Variants in ZDHHC4 observed in about 807,000 individuals in gnomAD.
ZDHHC4 encodes palmitoyltransferase ZDHHC4.
Under a neutral mutation model 36.7 loss-of-function variants are expected in ZDHHC4, and 42 were observed. The observed-to-expected ratio is 1.14, with a 90% CI of 0.89 to 1.48. The LOEUF is 1.48. Among genes scored for constraint, ZDHHC4 ranks in the 40% most tolerant of loss-of-function variants. The pLI is 0.00. For synonymous variants in ZDHHC4, 189 were observed against 166.6 expected, an observed-to-expected ratio of 1.13 and a Z score of -1.03; for missense variants, 457 against 421.5, an observed-to-expected ratio of 1.08 and a Z score of -0.74.
chr7:6,587,941 C>T (rs7781743), intron 7 of ZDHHC4, among the ~76,000 whole-genome samples: 131,211 of 152,208 alleles, frequency 0.86, 57,361 homozygotes, highest in African/African-American at 0.97. Context: ...TCTCAGCTCA[C>T]TGTAACCTTC....
chr7:6,583,524 G>T (rs1781017785), intron 6 of ZDHHC4, 93 bp downstream of exon 6: 1 of 1,494,428 alleles, frequency 6.7e-7, no homozygotes, highest in Non-Finnish European at 8.9e-7. Context: ...CGAAAGCAGA[G>T]CCAGTTCACC....
Position 6,582,161 on chromosome 7 carries a change from C to A in ZDHHC4, c.280C>A (p.Leu94Met). The A allele has an allele frequency of 6.2e-7, 1 of 1,614,186 alleles. No homozygotes were observed. Among genetic ancestry groups the A allele is most frequent in the Non-Finnish European group, 8.5e-7 (1 of 1,180,044 alleles). The change falls in exon 5 of 8, where the codon CTG (leucine) becomes ATG (methionine). Residue 94 changes from leucine (L) to methionine (M), a missense_variant. Leu to Met is a conservative substitution (Grantham distance 15). Coordinates refer to ENST00000335965, the MANE Select transcript of ZDHHC4 (RefSeq NM_001134389.2). Reference protein sequence around the residue: ...TWEVFGYCQELELSLHYLLLP... With the variant: ...TWEVFGYCQEMELSLHYLLLP... ...GGAAGTATTTGGCTACTGTCAGGAG[C>A]TGGAGTTGTCCTTGCATTACCTTCT...
At chr7:6,580,788 C>A in intron 3 of ZDHHC4, 110 bp downstream of exon 3, 1 of 1,002,424 alleles carries the variant, frequency 1.0e-6, no homozygotes, top group Non-Finnish European at 1.5e-6. Context: ...TGCAGTGCCT[C>A]ACACCTGTAA....
At chr7:6,583,067 C>G (rs1025832360) in intron 5 of ZDHHC4, among the ~76,000 whole-genome samples, 18 of 152,050 alleles carry the variant, frequency 1.2e-4, no homozygotes, top group African/African-American at 4.3e-4. Context: ...ATCCCAGCTA[C>G]TACTCAGGAG....
chr7:6,583,189 A>AG, intron 5 of ZDHHC4, 117 bp from the exon 6 acceptor site: 1 of 1,222,266 alleles, frequency 8.2e-7, no homozygotes, highest in East Asian at 2.5e-5. Context: ...AAAAAAAAAA[A>AG]AGAATTACTT....
rs565642604 is a variant in ZDHHC4, at chr7:6,581,948, C to G, written c.192-125C>G. The G allele has an allele frequency of 1.4e-5, 14 of 970,410 alleles. No homozygotes were observed. In the African/African-American group the frequency reaches 2.0e-4, roughly 14 times the overall value. The allele number at this position is 970,410 out of a possible 1,614,324, so 60.1% of individuals were successfully genotyped here. A position where few individuals can be genotyped will look rare whatever the true frequency, so the allele number is the denominator to read the frequency against. On this transcript the variant is annotated intron_variant, in intron 4 of 7. Transcript: ENST00000335965. ...CATGCAAAATGTTTCACATAGTTTT[C>G]TATGTAATTCTTACTATTATCTCAA...
intron 2 of ZDHHC4, among the ~76,000 whole-genome samples, chr7:6,579,261 C>T (rs1440676597): frequency 4.0e-5 from 6 of 149,784 alleles, no homozygotes; most frequent in African/African-American, 1.2e-4. Context: ...AGTGCAGTGG[C>T]GCGATCTCGG....
chr7:6,585,264 A>AT lies in ZDHHC4; in HGVS notation c.741+6dup, dbSNP rs758065465. Reference sequence around the variant, plus strand: ...GGACACGGTCTTTCTTATTCAGGTAATTATGCTGTAGGTTTCTGACTTCAA... The same window carrying AT: ...GGACACGGTCTTTCTTATTCAGGTAATTTATGCTGTAGGTTTCTGACTTCAA... On this transcript the variant is annotated splice_donor_region_variant and intron_variant, in intron 7 of 7. Coordinates refer to ENST00000335965, the MANE Select transcript of ZDHHC4 (RefSeq NM_001134389.2). 1.1e-5 allele frequency: 17 copies of AT among 1,609,862 alleles called. No individual in the cohort carries two copies. The highest frequency in any genetic ancestry group is 1.4e-5 in the Non-Finnish European group (17 of 1,176,938).
chr7:6,580,889 C>G, intron 3 of ZDHHC4: 1 of 570,480 alleles, frequency 1.8e-6, no homozygotes, highest in Non-Finnish European at 3.1e-6. Context: ...GCACTCCAGC[C>G]TGGACTACAG....
rs1351972774 is a variant in ZDHHC4 at position 6,583,494 on chromosome 7, G to A, written c.496+63G>A. On this transcript the variant is annotated intron_variant, in intron 6 of 7. Transcript: ENST00000335965. ...CAGCACATGTGTGGGCTTCGTCTGT[G>A]AGGGAATGTTTCCTGAATCCGAAAG... 4 of 1,556,372 alleles carry A rather than the reference G, an allele frequency of 2.6e-6. No homozygotes were observed. In the African/African-American group the frequency reaches 4.1e-5, roughly 16 times the overall value.
At chr7:6,586,448 G>T (rs934749729) in intron 7 of ZDHHC4, among the ~76,000 whole-genome samples, 4 of 152,110 alleles carry the variant, frequency 2.6e-5, no homozygotes, top group African/African-American at 9.7e-5. Flanking sequence ...GGTTTTCAGG[G>T]TTAATTCATG....
At chr7:6,579,660 A>G (rs1414430807) in intron 2 of ZDHHC4, among the ~76,000 whole-genome samples, 2 of 152,192 alleles carry the variant, frequency 1.3e-5, no homozygotes, top group East Asian at 3.8e-4. Context: ...CTTGTTCTCA[A>G]GGCATTGTCA....
At chr7:6,588,312 A>T (rs7800917) in intron 7 of ZDHHC4, among the ~76,000 whole-genome samples, 58,071 of 152,188 alleles carry the variant, frequency 0.38, 11,820 homozygotes, top group African/African-American at 0.52. Context: ...TGGATTTTAT[A>T]TTGATGAATG....
chr7:6,581,590 C>T lies in ZDHHC4; in HGVS notation c.118-17C>T, dbSNP rs762318025. On this transcript the variant is annotated splice_polypyrimidine_tract_variant and intron_variant, in intron 3 of 7. Coordinates refer to ENST00000335965, the MANE Select transcript of ZDHHC4 (RefSeq NM_001134389.2). ...GTGAGAAATGAAATTGAGTCTTTCT[C>T]TTTCCTTTTGTTTCAGATATTTTCC... is the stretch of plus-strand genomic sequence containing the variant. The T allele has an allele frequency of 1.3e-6, 2 of 1,595,802 alleles. No homozygotes were observed. Among genetic ancestry groups the T allele is most frequent in the East Asian group, 4.5e-5 (2 of 44,766 alleles).
rs771224663 is a variant in ZDHHC4, at chr7:6,589,019, C to G, written c.*109C>G. 1.8e-4 allele frequency: 246 copies of G among 1,403,164 alleles called. No individual in the cohort carries two copies. Among genetic ancestry groups the G allele is most frequent in the Non-Finnish European group, 2.3e-4 (238 of 1,031,396 alleles). 86.9% of individuals were successfully genotyped at this position (1,403,164 alleles called of 1,614,324 possible). ...TGATTTCTGCTGTGCTTATAAATCA[C>G]TTTCGGTGGGCAAGGGAGAGAGGGG... On this transcript the variant is annotated 3_prime_UTR_variant, in exon 8 of 8. Transcript: ENST00000335965.
At chr7:6,578,900 G>T (rs1264041705) in intron 2 of ZDHHC4, among the ~76,000 whole-genome samples, 180 bp downstream of exon 2, 5 of 152,088 alleles carry the variant, frequency 3.3e-5, no homozygotes, top group African/African-American at 1.2e-4. Context: ...TTGAGACAGG[G>T]TCTCATGCTG....
chr7:6,577,809 A>G (rs1378383014), intron 1 of ZDHHC4: 1 of 152,154 alleles, frequency 6.6e-6, no homozygotes, highest in Non-Finnish European at 1.5e-5. Context: ...TTTCTTCCCA[A>G]CTAGCTGTTT....
At chr7:6,586,503 C>T (rs763532682) in intron 7 of ZDHHC4, among the ~76,000 whole-genome samples, 98 of 151,928 alleles carry the variant, frequency 6.5e-4, no homozygotes, top group Non-Finnish European at 1.2e-3. Flanking sequence ...GGGATGGAGT[C>T]TCGCTCTTGT....
In ZDHHC4 at chr7:6,580,665, G is replaced by C. The variant is rs182128638; in HGVS notation, c.104G>C (p.Arg35Thr). Residue 35 changes from arginine (R) to threonine (T), a missense_variant, in exon 3 of 8, where the codon AGG (arginine) becomes ACG (threonine). Arg to Thr is a moderately conservative substitution (Grantham distance 71). Coordinates refer to ENST00000335965, the MANE Select transcript of ZDHHC4 (RefSeq NM_001134389.2). ...SKTHSLKGLA[R>T]GGAQIFSCII... ...ACCCATAGCTTGAAAGGCCTGGCCA[G>C]GGGAGGAGCACAGGTAAGGATGATC... 1.2e-6 allele frequency: 2 copies of C among 1,614,116 alleles called. No individual in the cohort carries two copies. The highest frequency in any genetic ancestry group is 1.3e-5 in the African/African-American group (1 of 75,038).
Sources: allele counts gnomAD v4.1 joint callset (sites outside exome capture counted in the v4.1 genomes callset), GRCh38; gene constraint gnomAD v4.1.1; transcripts MANE v1.5; gene names NCBI Gene and HGNC (gene_info 2026-07-23, HGNC 2026-07-21).